ALMS1: variants seen among roughly 807,000 people sequenced by gnomAD.
The protein encoded by ALMS1 is ALMS1 centrosome and basal body associated protein.
In ALMS1, 271 loss-of-function variants were observed where a neutral mutation model predicts 352.2. That is an observed-to-expected ratio of 0.77 (90% CI 0.70 to 0.85). The LOEUF (loss-of-function observed/expected upper bound fraction) is 0.85. Among genes scored for constraint, ALMS1 ranks in the 40% least tolerant of loss-of-function variants. The pLI, the probability that ALMS1 is intolerant of heterozygous loss-of-function variation, is 0.00. For synonymous variants in ALMS1, 1,865 were observed against 1,761.2 expected (o/e 1.06, Z -1.48); for missense variants, 5,445 against 4,870.7 (o/e 1.12, Z -3.51).
At chr2:73,425,097 C>G (rs1200130111) in intron 5 of ALMS1, among the ~76,000 whole-genome samples, 195 bp downstream of exon 5, 2 of 151,924 alleles carry the variant, frequency 1.3e-5, no homozygotes, top group African/African-American at 4.8e-5. Flanking sequence ...TCATCATCAT[C>G]ATCATAAAAT....
intron 13 of ALMS1, among the ~76,000 whole-genome samples, chr2:73,553,119 T>C (rs886415234): frequency 6.6e-6 from 1 of 152,086 alleles, no homozygotes. Flanking sequence ...TAAAACTGAT[T>C]TGAAAAGAGA....
intron 16 of ALMS1, among the ~76,000 whole-genome samples, chr2:73,576,681 C>T (rs1048033436): frequency 2.6e-5 from 4 of 151,010 alleles, no homozygotes; most frequent in Admixed American, 6.6e-5. Flanking sequence ...AGTGCAATGA[C>T]GTGATCTCAG....
chr2:73,521,015 G>T (rs2103964565), intron 11 of ALMS1, among the ~76,000 whole-genome samples: 1 of 152,184 alleles, frequency 6.6e-6, no homozygotes, highest in African/African-American at 2.4e-5. Context: ...CACGTAGATG[G>T]AATATACCTA....
chr2:73,530,789 A>C (rs1673893231), intron 11 of ALMS1, among the ~76,000 whole-genome samples: 1 of 152,072 alleles, frequency 6.6e-6, no homozygotes, highest in African/African-American at 2.4e-5. Flanking sequence ...CCAAAGTTCA[A>C]CTCTTGTCTT....
chr2:73,523,623 C>T (rs1031333808), intron 11 of ALMS1, among the ~76,000 whole-genome samples: 3 of 151,936 alleles, frequency 2.0e-5, no homozygotes, highest in East Asian at 3.9e-4. Context: ...AAAAATTAGC[C>T]GGGCATGATG....
At chr2:73,469,189 GA>G (rs755724074) in intron 9 of ALMS1, among the ~76,000 whole-genome samples, 2 of 148,674 alleles carry the variant, frequency 1.3e-5, no homozygotes, top group African/African-American at 2.5e-5. Context: ...AACAAGTTTA[GA>G]AAAAAAAACC....
chr2:73,567,966 T>TA (rs1163240539), intron 15 of ALMS1, among the ~76,000 whole-genome samples: 1 of 152,102 alleles, frequency 6.6e-6, no homozygotes, highest in Non-Finnish European at 1.5e-5. Flanking sequence ...AAAACAATTT[T>TA]AAAAAATTGA....
At position 73,414,473 on chromosome 2, in the gene ALMS1, G is replaced by GT. The variant is rs61660489; in HGVS notation, c.451-4635dup. 1.7e-3 allele frequency among the ~76,000 whole-genome samples: 111 copies of GT among 66,424 alleles called. 2 individuals are homozygous for GT. The highest frequency in any genetic ancestry group is 9.3e-3 in the East Asian group (10 of 1,074). 43.6% of individuals were successfully genotyped at this position (66,424 alleles called of 152,430 possible). A position where few individuals can be genotyped will look rare whatever the true frequency, so the allele number is the denominator to read the frequency against. On this transcript the variant is annotated intron_variant, in intron 2 of 22. Transcript: ENST00000613296. ...ATAGATATGTCATTTCTTTTTTTCCGTTTTTTTTTTTTTTTGTTTTTTTTT... is the reference window on the plus strand; with the variant it reads ...ATAGATATGTCATTTCTTTTTTTCCGTTTTTTTTTTTTTTTTGTTTTTTTTT...
At chr2:73,476,472 C>T (rs544288300) in intron 9 of ALMS1, among the ~76,000 whole-genome samples, 2 of 152,116 alleles carry the variant, frequency 1.3e-5, no homozygotes, top group East Asian at 1.9e-4. Flanking sequence ...GAGGAAGCTC[C>T]GTACTGTTTT....
chr2:73,497,333 G>T (rs1412231798), intron 10 of ALMS1, among the ~76,000 whole-genome samples: 2 of 151,730 alleles, frequency 1.3e-5, no homozygotes, highest in African/African-American at 4.8e-5. Flanking sequence ...TGGGATAAAG[G>T]TTGTTTTGGT....
intron 10 of ALMS1, among the ~76,000 whole-genome samples, chr2:73,515,007 AC>A (rs1186723140): frequency 6.6e-6 from 1 of 151,780 alleles, no homozygotes; most frequent in Admixed American, 6.6e-5. Flanking sequence ...GAAAATTCTT[AC>A]CCATTAACTC....
chr2:73,534,794 TATTA>T (rs1475962747), intron 11 of ALMS1, 26 bp from the exon 12 acceptor site: 1 of 1,608,504 alleles, frequency 6.2e-7, no homozygotes, highest in South Asian at 1.1e-5. Context: ...ATGTTTTTCA[TATTA>T]ATTGTTCTGA....
intron 1 of ALMS1, among the ~76,000 whole-genome samples, chr2:73,390,656 A>T (rs1409704028): frequency 1.3e-5 from 2 of 152,240 alleles, no homozygotes; most frequent in Non-Finnish European, 2.9e-5. Flanking sequence ...GTAATTCCTT[A>T]ACCTGAATTT....
chr2:73,429,838 CTAAAATTAGACTGACTTGTAG>C (rs1403964388), intron 6 of ALMS1, among the ~76,000 whole-genome samples: 1 of 152,066 alleles, frequency 6.6e-6, no homozygotes, highest in Non-Finnish European at 1.5e-5. Flanking sequence ...CATGTTTTTC[CTAAAATTAGACTGACTTGTAG>C]AGTTCCTGAG....
chr2:73,460,930 A>G (rs1672183001), intron 9 of ALMS1, among the ~76,000 whole-genome samples: 1 of 152,218 alleles, frequency 6.6e-6, no homozygotes, highest in Admixed American at 6.5e-5. Flanking sequence ...TAGGTAAACA[A>G]AGCAGCCTGG....
intron 9 of ALMS1, among the ~76,000 whole-genome samples, chr2:73,485,780 G>A (rs1224209348): frequency 1.3e-5 from 2 of 152,172 alleles, no homozygotes; most frequent in African/African-American, 2.4e-5. Context: ...CTCGTGGTGC[G>A]CCGTTTTTTA....
chr2:73,485,731 G>A (rs1429801544), intron 9 of ALMS1, among the ~76,000 whole-genome samples: 3 of 152,044 alleles, frequency 2.0e-5, no homozygotes, highest in African/African-American at 7.2e-5. Flanking sequence ...GCGAGACTCC[G>A]TGGGCCTAGG....
At chr2:73,551,138 C>T (rs1222304889) in intron 13 of ALMS1, among the ~76,000 whole-genome samples, 1 of 152,200 alleles carries the variant, frequency 6.6e-6, no homozygotes, top group Non-Finnish European at 1.5e-5. Flanking sequence ...AGATTACAGG[C>T]ATGAACCACC....
rs1050639831 is a variant in ALMS1 at position 73,517,928 on chromosome 2, G to A, written c.9540-1847G>A. Among the ~76,000 whole-genome samples the A allele has an allele frequency of 6.6e-5, 10 of 152,236 alleles. No homozygotes were observed. In the South Asian group the frequency reaches 1.5e-3, roughly 22 times the overall value. On this transcript the variant is annotated intron_variant, in intron 10 of 22. Coordinates refer to ENST00000613296, the MANE Select transcript of ALMS1 (RefSeq NM_001378454.1). ...CCACCTCAGCCTCCCAAAATACTGG[G>A]ATTACAGGCGTGAGCCACCACGCCT...
Sources: allele counts gnomAD v4.1 joint callset (sites outside exome capture counted in the v4.1 genomes callset), GRCh38; gene constraint gnomAD v4.1.1; transcripts MANE v1.5; gene names NCBI Gene and HGNC (gene_info 2026-07-23, HGNC 2026-07-21).